The following KDM4C variants were observed in gnomAD, a reference collection of about 807,000 sequenced individuals.
The protein encoded by KDM4C is lysine demethylase 4C.
A neutral mutation model predicts 129.3 loss-of-function variants in KDM4C; 81 were observed. The ratio of observed to expected loss-of-function variants is 0.63; its 90% CI spans 0.52 to 0.75. KDM4C has a LOEUF of 0.75. Among genes scored for constraint, KDM4C ranks in the 30% least tolerant of loss-of-function variants. The pLI is 0.00. For missense variants in KDM4C, 1,457 were observed against 1,304.0 expected (o/e 1.12, Z -1.81); for synonymous variants, 573 against 456.1 (o/e 1.26, Z -3.26).
At chr9:7,138,289 C>T (rs1841413237) in intron 19 of KDM4C, among the ~76,000 whole-genome samples, 1 of 152,160 alleles carries the variant, frequency 6.6e-6, no homozygotes, top group South Asian at 2.1e-4. Flanking sequence ...AAATCAATTT[C>T]CCTCTATCAT....
chr9:7,069,400 A>G (rs768613190), intron 17 of KDM4C, among the ~76,000 whole-genome samples: 3 of 152,168 alleles, frequency 2.0e-5, no homozygotes, highest in Non-Finnish European at 4.4e-5. Context: ...CAAACTTTAA[A>G]TTTTAGGCCA....
chr9:7,082,151 C>G (rs749917569), intron 17 of KDM4C, among the ~76,000 whole-genome samples: 12 of 134,214 alleles, frequency 8.9e-5, no homozygotes, highest in South Asian at 8.8e-4. Flanking sequence ...TGTGTCACTA[C>G]AGCCTCACAT....
intron 19 of KDM4C, among the ~76,000 whole-genome samples, chr9:7,158,087 A>C (rs977665752): frequency 6.6e-6 from 1 of 151,896 alleles, no homozygotes; most frequent in African/African-American, 2.4e-5. Context: ...GTCTTAGGAG[A>C]ATCTTTGTGT....
At chr9:7,043,360 A>G (rs1459491624) in intron 15 of KDM4C, among the ~76,000 whole-genome samples, 2 of 152,034 alleles carry the variant, frequency 1.3e-5, no homozygotes, top group African/African-American at 4.8e-5. Flanking sequence ...TGTTTTGTGT[A>G]GTGCCTTACA....
At chr9:6,890,991 A>G (rs1846041403) in intron 7 of KDM4C, among the ~76,000 whole-genome samples, 1 of 152,206 alleles carries the variant, frequency 6.6e-6, no homozygotes, top group Non-Finnish European at 1.5e-5. Context: ...TTGGCACGGG[A>G]CAGTGGTGTT....
At chr9:6,964,189 A>G (rs1308275617) in intron 8 of KDM4C, among the ~76,000 whole-genome samples, 1 of 152,086 alleles carries the variant, frequency 6.6e-6, no homozygotes, top group Admixed American at 6.5e-5. Flanking sequence ...TGCTGCACCC[A>G]TTAACTCATC....
At chr9:7,169,105 A>G (rs947049559) in intron 20 of KDM4C, among the ~76,000 whole-genome samples, 4 of 152,036 alleles carry the variant, frequency 2.6e-5, no homozygotes, top group African/African-American at 7.2e-5. Context: ...GAGAGAAACA[A>G]TTCTCCTTGT....
At chr9:6,761,530 G>A (rs1028859889) in intron 1 of KDM4C, among the ~76,000 whole-genome samples, 1 of 151,840 alleles carries the variant, frequency 6.6e-6, no homozygotes, top group African/African-American at 2.4e-5. Flanking sequence ...ATGGTACCCC[G>A]GCTGGTCTGA....
At chr9:7,053,929 G>C (rs1830541510) in intron 17 of KDM4C, among the ~76,000 whole-genome samples, 1 of 152,312 alleles carries the variant, frequency 6.6e-6, no homozygotes, top group South Asian at 2.1e-4. Flanking sequence ...ATATCCAAAA[G>C]GGAGAACCAG....
Position 6,927,001 on chromosome 9 carries a change from A to G in KDM4C, c.921+33769A>G, listed in dbSNP as rs11787607. Among the ~76,000 whole-genome samples the G allele has an allele frequency of 5.7e-3, 864 of 152,330 alleles. 3 individuals carry two copies. Among genetic ancestry groups the G allele is most frequent in the African/African-American group, 0.019 (795 of 41,558 alleles). ...GGGAAAATATATTGATTGGGTGACT[A>G]TAGCTTTTTGGTAAAGCCAGCACAG... On this transcript the variant is annotated intron_variant, in intron 8 of 21. Transcript: ENST00000381309.
intron 8 of KDM4C, chr9:6,924,968 G>T (rs545343973): frequency 1.0e-6 from 1 of 985,106 alleles, no homozygotes; most frequent in South Asian, 4.7e-5. Context: ...AACACGTTTT[G>T]GTAGAAGTGT....
At position 7,102,309 on chromosome 9, in the gene KDM4C, CTTTTTTTTTTTT is replaced by C. The variant is rs34614459; in HGVS notation, c.2425-1363_2425-1352del. 1.2e-3 allele frequency among the ~76,000 whole-genome samples: 108 copies of C among 89,992 alleles called. No homozygotes were observed. The East Asian group carries it at 0.02, about 16-fold the overall frequency. 59.0% of individuals were successfully genotyped at this position (89,992 alleles called of 152,430 possible). ...TGGCTCTTGCACCTCATGGTTTTCC[CTTTTTTTTTTTT>C]TTTTTTTTTTTTGGAGTGACTTGGA... is the stretch of plus-strand genomic sequence containing the variant. On this transcript the variant is annotated intron_variant, in intron 17 of 21. Transcript: ENST00000381309.
chr9:6,923,591 C>G (rs529194320), intron 8 of KDM4C, among the ~76,000 whole-genome samples: 1 of 152,174 alleles, frequency 6.6e-6, no homozygotes, highest in Non-Finnish European at 1.5e-5. Context: ...GAGGGATCAT[C>G]AAGAGACAGA....
intron 8 of KDM4C, among the ~76,000 whole-genome samples, chr9:6,934,356 T>A (rs1275270489): frequency 6.9e-6 from 1 of 145,100 alleles, no homozygotes; most frequent in Admixed American, 6.9e-5. Context: ...TGGCGGTCCC[T>A]GTAGTCCCAG....
chr9:7,107,649 C>G (rs1224390603), intron 18 of KDM4C, among the ~76,000 whole-genome samples: 1 of 152,186 alleles, frequency 6.6e-6, no homozygotes, highest in Non-Finnish European at 1.5e-5. Context: ...AATATTCTTT[C>G]CTCTAGAAAA....
chr9:6,787,338 G>A (rs1332874992), intron 1 of KDM4C, among the ~76,000 whole-genome samples: 1 of 152,210 alleles, frequency 6.6e-6, no homozygotes, highest in African/African-American at 2.4e-5. Flanking sequence ...GTTCAAGTGA[G>A]TCTTGTGCCT....
intron 8 of KDM4C, among the ~76,000 whole-genome samples, chr9:6,956,325 C>T (rs1053847745): frequency 2.0e-5 from 3 of 152,094 alleles, no homozygotes; most frequent in African/African-American, 7.2e-5. Flanking sequence ...GTGCTTATTT[C>T]ACATTGCATG....
intron 1 of KDM4C, among the ~76,000 whole-genome samples, chr9:6,724,629 C>G (rs1306429195): frequency 6.6e-6 from 1 of 152,128 alleles, no homozygotes; most frequent in African/African-American, 2.4e-5. Flanking sequence ...CTCCCAGGTT[C>G]AAGCCATTCT....
chr9:7,169,845 C>G lies in KDM4C; in HGVS notation c.2949C>G (p.Ile983Met). 1 of 1,613,736 alleles carries G rather than the reference C, an allele frequency of 6.2e-7. No homozygotes were observed. The highest frequency in any genetic ancestry group is 8.5e-7 in the Non-Finnish European group (1 of 1,179,710). The change falls in exon 21 of 22, where the codon ATC (isoleucine) becomes ATG (methionine). Residue 983 changes from isoleucine to methionine, a missense_variant. Ile to Met is a conservative substitution (Grantham distance 10). Transcript: ENST00000381309. ...AGATAGCAATGAAGAGAGAGGACAT[C>G]TACACTTTAGATGAAGAGTTACCCA... ...GSQIAMKRED[I>M]YTLDEELPKR...
Sources: allele counts gnomAD v4.1 joint callset (sites outside exome capture counted in the v4.1 genomes callset), GRCh38; gene constraint gnomAD v4.1.1; transcripts MANE v1.5; gene names NCBI Gene and HGNC (gene_info 2026-07-23, HGNC 2026-07-21).